The following COMMD1 variants were observed in gnomAD, a reference collection of about 807,000 sequenced individuals.
COMMD1 encodes the protein copper metabolism domain containing 1.
In COMMD1, 10 loss-of-function variants were observed where a neutral mutation model predicts 17.2. That is an observed-to-expected ratio of 0.58 (90% CI 0.36 to 0.99). COMMD1 has a LOEUF of 0.99. COMMD1 is among the 50% of genes least tolerant of loss of function. The probability of loss-of-function intolerance (pLI) is 0.01; values close to 1 mark genes in which losing one functional copy is unlikely to be tolerated. For missense variants in COMMD1, 270 were observed against 231.8 expected (o/e 1.17, Z -1.07); for synonymous variants, 97 against 91.6 (o/e 1.06, Z -0.34).
intron 2 of COMMD1, among the ~76,000 whole-genome samples, chr2:62,082,873 A>G (rs1298391044): frequency 6.6e-6 from 1 of 152,150 alleles, no homozygotes; most frequent in East Asian, 1.9e-4. Flanking sequence ...CAATTAGAAA[A>G]CCATATACAG....
intron 2 of COMMD1, among the ~76,000 whole-genome samples, chr2:62,003,309 A>G (rs896274091): frequency 6.6e-6 from 1 of 152,032 alleles, no homozygotes; most frequent in African/African-American, 2.4e-5. Context: ...TGGGAGGCCA[A>G]GGCAGGTGGA....
intron 2 of COMMD1, among the ~76,000 whole-genome samples, chr2:62,078,549 T>A: frequency 9.5e-6 from 1 of 105,356 alleles, no homozygotes; most frequent in East Asian, 2.6e-4. Context: ...CGAGACTCCG[T>A]CTCAAAAAAA....
intron 1 of COMMD1, among the ~76,000 whole-genome samples, chr2:61,892,032 C>T (rs972337820): frequency 2.0e-5 from 3 of 151,414 alleles, no homozygotes; most frequent in South Asian, 2.1e-4. Context: ...GGGGTTTCAC[C>T]GTGTTAGCCA....
intron 2 of COMMD1, among the ~76,000 whole-genome samples, chr2:62,078,255 A>AG (rs1401143281): frequency 1.4e-4 from 21 of 149,360 alleles, no homozygotes; most frequent in Non-Finnish European, 3.1e-4. Context: ...AAAAAAAAAA[A>AG]AAAAAAAAAA....
chr2:62,020,081 G>C (rs1394394807), intron 2 of COMMD1, among the ~76,000 whole-genome samples: 7 of 152,172 alleles, frequency 4.6e-5, no homozygotes, highest in Non-Finnish European at 1.0e-4. Context: ...TTTGGATGAG[G>C]CTCCTCAGAT....
At chr2:61,920,572 TG>T (rs1329193565) in intron 1 of COMMD1, among the ~76,000 whole-genome samples, 1 of 152,096 alleles carries the variant, frequency 6.6e-6, no homozygotes, top group African/African-American at 2.4e-5. Context: ...GAAATATATG[TG>T]GTGCTTCATT....
chr2:61,943,165 G>T (rs1353954167), intron 1 of COMMD1, among the ~76,000 whole-genome samples: 2 of 152,202 alleles, frequency 1.3e-5, no homozygotes, highest in African/African-American at 4.8e-5. Context: ...TTCGAGCTCT[G>T]AATTTTTCTT....
At chr2:62,021,410 A>C (rs1193652376) in intron 2 of COMMD1, among the ~76,000 whole-genome samples, 2 of 152,172 alleles carry the variant, frequency 1.3e-5, no homozygotes, top group African/African-American at 4.8e-5. Context: ...GAAGAGATTG[A>C]GGAGCAGAAG....
intron 2 of COMMD1, among the ~76,000 whole-genome samples, chr2:62,024,443 C>T (rs1669698992): frequency 6.6e-6 from 1 of 152,094 alleles, no homozygotes; most frequent in African/African-American, 2.4e-5. Flanking sequence ...TGATTATACT[C>T]TGTAGAGTAG....
intron 2 of COMMD1, among the ~76,000 whole-genome samples, chr2:62,091,042 A>T (rs1333970844): frequency 6.6e-6 from 1 of 152,152 alleles, no homozygotes; most frequent in Non-Finnish European, 1.5e-5. Flanking sequence ...AGGTGTTTGG[A>T]TTGTGCCTCA....
chr2:61,926,971 A>G (rs1249322529), intron 1 of COMMD1, among the ~76,000 whole-genome samples: 2 of 152,146 alleles, frequency 1.3e-5, no homozygotes, highest in African/African-American at 2.4e-5. Context: ...TGGCTTAACA[A>G]TCTCAATTGT....
At chr2:62,064,518 A>C (rs1229639053) in intron 2 of COMMD1, among the ~76,000 whole-genome samples, 1 of 152,004 alleles carries the variant, frequency 6.6e-6, no homozygotes, top group Non-Finnish European at 1.5e-5. Flanking sequence ...TTTGATTGAG[A>C]GCTCATGTGA....
chr2:61,944,912 A>G (rs1242902205), intron 1 of COMMD1, among the ~76,000 whole-genome samples: 1 of 152,168 alleles, frequency 6.6e-6, no homozygotes, highest in African/African-American at 2.4e-5. Context: ...AAGGAAGCAA[A>G]GACAGAAACC....
chr2:61,998,389 A>C (rs1000784536), intron 1 of COMMD1, among the ~76,000 whole-genome samples: 1 of 151,740 alleles, frequency 6.6e-6, no homozygotes, highest in East Asian at 1.9e-4. Flanking sequence ...CCTCCTGAGT[A>C]GTTGGGATTA....
chr2:62,082,210 G>A (rs1001793701), intron 2 of COMMD1, among the ~76,000 whole-genome samples: 3 of 152,164 alleles, frequency 2.0e-5, no homozygotes, highest in Non-Finnish European at 4.4e-5. Context: ...TTATGTCTCT[G>A]TGATGCTGAA....
chr2:61,986,887 C>T (rs1353519819), intron 1 of COMMD1, among the ~76,000 whole-genome samples: 1 of 151,902 alleles, frequency 6.6e-6, no homozygotes, highest in Non-Finnish European at 1.5e-5. Context: ...TTTTTTGTTT[C>T]CTTTGACTGT....
At chr2:62,074,198 C>T (rs1671276133) in intron 2 of COMMD1, among the ~76,000 whole-genome samples, 1 of 152,186 alleles carries the variant, frequency 6.6e-6, no homozygotes, top group South Asian at 2.1e-4. Flanking sequence ...CATTGAGACT[C>T]TCATGTCCAA....
At chr2:62,004,149 G>GAAAAAA (rs1669043720) in intron 2 of COMMD1, among the ~76,000 whole-genome samples, 2 of 151,482 alleles carry the variant, frequency 1.3e-5, no homozygotes, top group Non-Finnish European at 2.9e-5. Flanking sequence ...AAAAGAAAAA[G>GAAAAAA]AAAAAAAGTG....
chr2:62,102,074 A>G (rs1374724889), intron 2 of COMMD1, among the ~76,000 whole-genome samples: 1 of 152,176 alleles, frequency 6.6e-6, no homozygotes, highest in Admixed American at 6.5e-5. Flanking sequence ...TTAGCGTACA[A>G]AAGACACTCT....
Sources: gnomAD v4.1 joint callset for allele counts (sites outside exome capture counted in the v4.1 genomes callset) on GRCh38, gnomAD v4.1.1 for gene constraint, MANE v1.5 for transcripts, NCBI Gene and HGNC (gene_info 2026-07-23, HGNC 2026-07-21) for gene names.